DST: variants seen among roughly 807,000 people sequenced by gnomAD.
DST encodes dystonin, also known as bullous pemphigoid antigen.
A neutral mutation model predicts 875.2 loss-of-function variants in DST; 253 were observed. The ratio of observed to expected loss-of-function variants is 0.29; its 90% CI spans 0.26 to 0.32. The LOEUF (loss-of-function observed/expected upper bound fraction) is 0.32, where lower values mean the gene tolerates loss of function less well. Among genes scored for constraint, DST ranks in the 10% least tolerant of loss-of-function variants. The probability of loss-of-function intolerance (pLI) is 1.00; values close to 1 mark genes in which losing one functional copy is unlikely to be tolerated. For missense variants in DST, 8,287 were observed against 9,111.6 expected, an observed-to-expected ratio of 0.91 and a Z score of 3.68; for synonymous variants, 3,124 against 3,197.1, an observed-to-expected ratio of 0.98 and a Z score of 0.77.
At chr6:56,776,055 A>G (rs1328520191) in intron 4 of DST, among the ~76,000 whole-genome samples, 1 of 152,240 alleles carries the variant, frequency 6.6e-6, no homozygotes, top group African/African-American at 2.4e-5. Context: ...AAGGATAATA[A>G]CATCATAGTG....
At chr6:56,934,560 T>TTCTATATATATATATATATA (rs869186436) in intron 2 of DST, among the ~76,000 whole-genome samples, 2 of 106,486 alleles carry the variant, frequency 1.9e-5, no homozygotes, top group Non-Finnish European at 3.8e-5. Flanking sequence ...ATATATTATA[T>TTCTATATATATATATATATA]TATATATATA....
chr6:56,664,688 T>C (rs7749437), intron 10 of DST, among the ~76,000 whole-genome samples: 10,599 of 152,122 alleles, frequency 0.07, 1,160 homozygotes, highest in African/African-American at 0.24. Flanking sequence ...AGTCTTTTGA[T>C]TGAAAATTAA....
chr6:56,643,012 G>T, intron 15 of DST: 1 of 1,130,638 alleles, frequency 8.8e-7, no homozygotes, highest in Non-Finnish European at 1.2e-6. Flanking sequence ...TGCTAGCTGA[G>T]GTTTGCCTTT....
chr6:56,691,494 G>T (rs1388049365), intron 9 of DST, among the ~76,000 whole-genome samples: 1 of 152,016 alleles, frequency 6.6e-6, no homozygotes, highest in Non-Finnish European at 1.5e-5. Context: ...CAATGACCTT[G>T]CCAAGAATGT....
chr6:56,774,607 T>G (rs180892214), intron 4 of DST, among the ~76,000 whole-genome samples: 250 of 152,312 alleles, frequency 1.6e-3, no homozygotes, highest in Admixed American at 3.6e-3. Context: ...AAATATGCTA[T>G]CTACAAAACT....
intron 4 of DST, among the ~76,000 whole-genome samples, chr6:56,819,642 G>C (rs1445079597): frequency 2.0e-5 from 3 of 152,110 alleles, no homozygotes. Flanking sequence ...AAATAGCTTA[G>C]TATAAGCAAA....
At chr6:56,826,388 T>C (rs1003251400) in intron 4 of DST, among the ~76,000 whole-genome samples, 1 of 152,170 alleles carries the variant, frequency 6.6e-6, no homozygotes, top group Admixed American at 6.5e-5. Context: ...ATTTAATAAT[T>C]TTATTATTTT....
Position 56,605,114 on chromosome 6 carries a change from C to T in DST, c.9514G>A (p.Asp3172Asn). The change falls in exon 40 of 104, where the codon GAT becomes AAT. Residue 3172 changes from aspartate to asparagine, a missense_variant. Asp to Asn is a conservative substitution (Grantham distance 23, BLOSUM62 1). Around this residue, in one of 10 missense-constraint regions of DST, gnomAD observed 3,138 missense variants for 3,116.6 expected, o/e 1.01. Transcript: ENST00000680361. The stretch of plus-strand genomic sequence containing the variant: ...AGATCAAGCTCTTTCTCAGGTCCAT[C>T]AGTGAATGACTCCTCAAAATGTGTA... ...GNTHFEESFT[D>N]GPEKELDLFT... The T allele has an allele frequency of 6.2e-7, 1 of 1,612,650 alleles. No homozygotes were observed. The highest frequency in any genetic ancestry group is 1.3e-5 in the African/African-American group (1 of 74,970).
chr6:56,633,003 A>G lies in DST; in HGVS notation c.3656T>C (p.Val1219Ala), dbSNP rs745459955. Residue 1219 changes from valine to alanine, a missense_variant, in exon 28 of 104, where the codon GTT (valine) becomes GCT (alanine). This residue lies in a region of DST where 3,138 missense variants were observed against 3,116.6 expected (regional missense o/e 1.01). Transcript: ENST00000680361. ...AAAACGAGATTGTAGATTACTTAGA[A>G]CTTGCTGATGTTCACCAGGTAGCAT... ...KTMLPGEHQQ[V>A]LSNLQSRFED... The G allele has an allele frequency of 1.2e-6, 2 of 1,613,936 alleles. No individual in the cohort carries two copies. Among genetic ancestry groups the G allele is most frequent in the African/African-American group, 1.3e-5 (1 of 74,934 alleles).
intron 36 of DST, chr6:56,616,241 T>C (rs2098618216): frequency 2.5e-6 from 4 of 1,614,054 alleles, no homozygotes; most frequent in Non-Finnish European, 3.4e-6. Flanking sequence ...AATTGTTCCC[T>C]GCTCTATAGC....
chr6:56,747,079 G>A (rs548043794), intron 4 of DST, among the ~76,000 whole-genome samples: 72 of 152,302 alleles, frequency 4.7e-4, no homozygotes, highest in Middle Eastern at 3.4e-3. Context: ...TCTGAAAGGA[G>A]AATCAGTTAC....
At chr6:56,834,898 C>T (rs546107831) in intron 4 of DST, among the ~76,000 whole-genome samples, 10 of 152,206 alleles carry the variant, frequency 6.6e-5, no homozygotes, top group Non-Finnish European at 1.0e-4. Flanking sequence ...CTGCACTCAA[C>T]TGTTTAGAGC....
At chr6:56,805,543 A>G (rs2099752089) in intron 4 of DST, among the ~76,000 whole-genome samples, 1 of 152,222 alleles carries the variant, frequency 6.6e-6, no homozygotes, top group South Asian at 2.1e-4. Flanking sequence ...AAAGAGCAAA[A>G]CAACTGGTTA....
rs148157191 is a variant in DST at position 56,477,750 on chromosome 6, A to G, written c.21532-262T>C. Among the ~76,000 whole-genome samples the G allele has an allele frequency of 1.6e-3, 239 of 152,306 alleles. 4 individuals carry two copies. The East Asian group carries it at 0.039, about 25-fold the overall frequency. ...GTTCCAGGATACCGTGCATAATAAA[A>G]TCCAATGATGCTCAAGTCCCTGATA... On this transcript the variant is annotated intron_variant, in intron 90 of 103. Transcript: ENST00000680361.
At position 56,509,789 on chromosome 6, in the gene DST, C is replaced by T; in HGVS notation, c.18865G>A (p.Val6289Ile). 6.2e-7 allele frequency: 1 copy of T among 1,613,726 alleles called. No homozygotes were observed. Among genetic ancestry groups the T allele is most frequent in the Non-Finnish European group, 8.5e-7 (1 of 1,179,744 alleles). Residue 6289 changes from valine to isoleucine, a missense_variant, in exon 74 of 104, where the codon GTT becomes ATT. Coordinates refer to ENST00000680361, the MANE Select transcript of DST (RefSeq NM_001374736.1). ...CTGATCTGTTCCTTGATCTTCTCAA[C>T]CTCTGCAGAGATAGAGGGTGGCTGC... ...LRQPPSISAE[V>I]EKIKEQISEN...
At position 56,482,145 on chromosome 6, in the gene DST, A is replaced by G. The variant is rs762777076; in HGVS notation, c.21436T>C (p.Leu7146=). 1 of 1,613,756 alleles carries G rather than the reference A, an allele frequency of 6.2e-7. No homozygotes were observed. Residue 7146 remains leucine, a synonymous_variant, in exon 90 of 104, where the codon TTG becomes CTG. Transcript: ENST00000680361. The part of the protein sequence containing the change: ...EEFHSVVHAL[L]EWLAEAEQTL... The stretch of plus-strand genomic sequence containing the variant: ...TGCTCCGCCTCAGCCAGCCACTCCA[A>G]GAGGGCATGTACCACCGAGTGGAAT...
intron 4 of DST, among the ~76,000 whole-genome samples, chr6:56,750,682 T>A (rs1224613260): frequency 1.3e-5 from 2 of 152,088 alleles, no homozygotes; most frequent in East Asian, 3.9e-4. Context: ...CTAACAAAAA[T>A]CAGGGCTAGT....
chr6:56,779,419 T>A (rs2099687160), intron 4 of DST, among the ~76,000 whole-genome samples: 1 of 152,104 alleles, frequency 6.6e-6, no homozygotes, highest in Non-Finnish European at 1.5e-5. Flanking sequence ...TTGGCTTTTG[T>A]TGCCATTGCT....
rs999696545 is a variant in DST at position 56,703,690 on chromosome 6, G to A, written c.834C>T (p.Cys278=). The A allele has an allele frequency of 7.1e-6, 7 of 984,964 alleles. No individual in the cohort carries two copies. The highest frequency in any genetic ancestry group is 3.5e-5 in the African/African-American group (2 of 57,140). The allele number at this position is 984,964 out of a possible 1,614,324, so 61.0% of individuals were successfully genotyped here. ...TLRLVSATEA[C]EYEQHEDVED... is the part of the protein sequence containing the mutation. ...CCACATCCTCATGCTGTTCATATTC[G>A]CATGCTTCTGTTGCACTCACCAATC... Residue 278 remains cysteine (C), a synonymous_variant, in exon 7 of 104, where the codon TGC becomes TGT. Coordinates refer to ENST00000680361, the MANE Select transcript of DST (RefSeq NM_001374736.1).
Sources: allele counts gnomAD v4.1 joint callset (sites outside exome capture counted in the v4.1 genomes callset), GRCh38; gene constraint gnomAD v4.1.1; regional missense constraint gnomAD v4.1.1; transcripts MANE v1.5; gene names NCBI Gene and HGNC (gene_info 2026-07-23, HGNC 2026-07-21).